STK33: variants seen among roughly 807,000 people sequenced by gnomAD.
STK33 encodes the protein serine/threonine kinase 33.
Under a neutral mutation model 58.0 loss-of-function variants are expected in STK33, and 52 were observed. The observed-to-expected ratio is 0.90, with a 90% CI of 0.72 to 1.13. The LOEUF (loss-of-function observed/expected upper bound fraction) is 1.13, where lower values mean the gene tolerates loss of function less well. Among genes scored for constraint, STK33 ranks in the 50% most tolerant of loss-of-function variants. STK33 has a pLI of 0.00. For missense variants in STK33, 630 were observed against 604.2 expected (o/e 1.04, Z -0.45); for synonymous variants, 215 against 200.1 (o/e 1.07, Z -0.63).
At chr11:8,470,993 C>T (rs1050361315) in intron 6 of STK33, among the ~76,000 whole-genome samples, 8 of 152,174 alleles carry the variant, frequency 5.3e-5, no homozygotes, top group African/African-American at 1.4e-4. Context: ...AACAGACTTG[C>T]TTGACACAGT....
intron 10 of STK33, 78 bp from the exon 11 acceptor site, chr11:8,452,984 T>A: frequency 1.6e-6 from 2 of 1,248,982 alleles, no homozygotes; most frequent in South Asian, 1.2e-5. Flanking sequence ...GACTTCACAT[T>A]GAATTTGCAT....
intron 15 of STK33, among the ~76,000 whole-genome samples, chr11:8,398,724 G>A (rs1407761550): frequency 6.6e-5 from 10 of 150,718 alleles, no homozygotes; most frequent in South Asian, 4.2e-4. Context: ...CTCATCTCAC[G>A]TGCAGAGACA....
intron 11 of STK33, among the ~76,000 whole-genome samples, chr11:8,449,958 G>C (rs1041012670): frequency 6.6e-6 from 1 of 152,100 alleles, no homozygotes; most frequent in Non-Finnish European, 1.5e-5. Flanking sequence ...GTTGGTGGGA[G>C]TGCAAATTAG....
chr11:8,356,100 G>A, the STK33 span, among the ~76,000 whole-genome samples: 1 of 152,232 alleles, frequency 6.6e-6, no homozygotes, highest in Non-Finnish European at 1.5e-5. Flanking sequence ...ATTACACTTT[G>A]CTAACTGAGG....
At chr11:8,352,193 C>A in the STK33 span, among the ~76,000 whole-genome samples, 1 of 152,154 alleles carries the variant, frequency 6.6e-6, no homozygotes, top group African/African-American at 2.4e-5. Context: ...CCAGCAGGTG[C>A]CCGGGAGGAG....
intron 3 of STK33, among the ~76,000 whole-genome samples, 196 bp from the exon 4 acceptor site, chr11:8,476,947 T>C (rs1475593926): frequency 6.6e-6 from 1 of 152,210 alleles, no homozygotes. Context: ...CCAGGTAATG[T>C]ATATAGTATA....
At chr11:8,343,676 C>T in the STK33 span, among the ~76,000 whole-genome samples, 1 of 152,180 alleles carries the variant, frequency 6.6e-6, no homozygotes, top group South Asian at 2.1e-4. Flanking sequence ...AGTCTCATAG[C>T]TGGCCTCTCC....
At chr11:8,371,158 G>A in the STK33 span, among the ~76,000 whole-genome samples, 3 of 152,286 alleles carry the variant, frequency 2.0e-5, no homozygotes, top group East Asian at 5.8e-4. Context: ...CTCAGAAAAT[G>A]ACCTTGTTTG....
intron 1 of STK33, among the ~76,000 whole-genome samples, chr11:8,548,684 G>A (rs537305665): frequency 6.6e-6 from 1 of 152,278 alleles, no homozygotes; most frequent in African/African-American, 2.4e-5. Context: ...TGAATCTGTA[G>A]ATCACTTTGG....
In STK33 at chr11:8,461,840, T is replaced by G. The variant is rs779445224; in HGVS notation, c.523A>C (p.Ile175Leu). Reference protein sequence around the residue: ...NILKSVKHEHIIHLEQVFETP... With the variant: ...NILKSVKHEHLIHLEQVFETP... ...TCAAATACTTGTTCCAGATGTATGATGTGTTCATGTTTTACACTTTTCAGA... is the reference window on the plus strand; with the variant it reads ...TCAAATACTTGTTCCAGATGTATGAGGTGTTCATGTTTTACACTTTTCAGA... The change falls in exon 8 of 16, where the codon ATC becomes CTC. Residue 175 changes from isoleucine (I) to leucine (L), a missense_variant. Coordinates refer to ENST00000687296, the MANE Select transcript of STK33 (RefSeq NM_001352389.2). 6.2e-6 allele frequency: 10 copies of G among 1,602,270 alleles called. No individual in the cohort carries two copies. Among genetic ancestry groups the G allele is most frequent in the Non-Finnish European group, 7.7e-6 (9 of 1,175,594 alleles).
In STK33 at chr11:8,392,367, G is replaced by T; in HGVS notation, c.*143C>A. The T allele has an allele frequency of 1.1e-6, 1 of 945,652 alleles. No individual in the cohort carries two copies. The allele number at this position is 945,652 out of a possible 1,614,324, so 58.6% of individuals were successfully genotyped here. On this transcript the variant is annotated 3_prime_UTR_variant, in exon 16 of 16. Transcript: ENST00000687296. The stretch of plus-strand genomic sequence containing the variant: ...TGGAGATAAGCAGCTTCAATTTTAA[G>T]CTGGTGCAAACACATGGCGGGGCTC...
At chr11:8,563,138 T>C (rs1565372966) in intron 1 of STK33, among the ~76,000 whole-genome samples, 1 of 152,176 alleles carries the variant, frequency 6.6e-6, no homozygotes, top group Admixed American at 6.5e-5. Flanking sequence ...GTAAGTACCC[T>C]GTATCTGGGT....
intron 1 of STK33, among the ~76,000 whole-genome samples, chr11:8,485,795 C>T (rs1478267769): frequency 6.6e-6 from 1 of 152,092 alleles, no homozygotes; most frequent in Non-Finnish European, 1.5e-5. Flanking sequence ...CATAATTTTT[C>T]AAAGAAAACT....
intron 11 of STK33, among the ~76,000 whole-genome samples, chr11:8,442,074 T>A (rs1944829660): frequency 1.3e-5 from 2 of 148,740 alleles, no homozygotes. Context: ...CACACTTTTA[T>A]GACTACTAAA....
At chr11:8,407,369 A>G (rs1939421777) in intron 15 of STK33, among the ~76,000 whole-genome samples, 1 of 152,098 alleles carries the variant, frequency 6.6e-6, no homozygotes, top group Admixed American at 6.5e-5. Flanking sequence ...TGCCTTATAA[A>G]TGAGTTGGGA....
chr11:8,349,587 C>A, the STK33 span, among the ~76,000 whole-genome samples: 1 of 152,256 alleles, frequency 6.6e-6, no homozygotes, highest in Non-Finnish European at 1.5e-5. Flanking sequence ...ACATTCAATT[C>A]TCTGGATGAC....
chr11:8,583,227 T>A (rs1166723019), intron 1 of STK33, among the ~76,000 whole-genome samples: 2 of 152,144 alleles, frequency 1.3e-5, no homozygotes, highest in Non-Finnish European at 2.9e-5. Context: ...CTCCTAGAGG[T>A]TGTCTTTTCT....
intron 1 of STK33, among the ~76,000 whole-genome samples, chr11:8,495,062 C>A (rs1429379648): frequency 7.2e-5 from 11 of 152,140 alleles, no homozygotes; most frequent in East Asian, 1.9e-4. Flanking sequence ...AAAACACCAA[C>A]AGCAATGGCA....
chr11:8,518,883 G>T (rs567968089), intron 1 of STK33, among the ~76,000 whole-genome samples: 203 of 152,178 alleles, frequency 1.3e-3, no homozygotes, highest in African/African-American at 4.7e-3. Context: ...CTCCCACACA[G>T]TAATAATGGG....
Sources: gnomAD v4.1 joint callset for allele counts (sites outside exome capture counted in the v4.1 genomes callset) on GRCh38, gnomAD v4.1.1 for gene constraint, MANE v1.5 for transcripts, NCBI Gene and HGNC (gene_info 2026-07-23, HGNC 2026-07-21) for gene names.